Variants in HTR2C observed in about 807,000 individuals in gnomAD.
The protein encoded by HTR2C is 5-hydroxytryptamine receptor 2C.
In HTR2C, 5 loss-of-function variants were observed where a neutral mutation model predicts 21.0. That is an observed-to-expected ratio of 0.24 (90% CI 0.12 to 0.50). The LOEUF (loss-of-function observed/expected upper bound fraction) is 0.50, where lower values mean the gene tolerates loss of function less well. Ranked by LOEUF, HTR2C falls within the 20% of genes least tolerant of loss-of-function variation. The probability of loss-of-function intolerance (pLI) is 0.98; values close to 1 mark genes in which losing one functional copy is unlikely to be tolerated. For missense variants in HTR2C, 271 were observed against 371.2 expected (o/e 0.73, Z 2.22); for synonymous variants, 150 against 145.3 (o/e 1.03, Z -0.23).
At chrX:114,836,888 C>T (rs1262847682) in intron 4 of HTR2C, among the ~76,000 whole-genome samples, 1 of 111,808 alleles carries the variant, frequency 8.9e-6, no homozygotes, top group Non-Finnish European at 1.9e-5. Context: ...TGTACACAAT[C>T]ATGTTTTCAT....
intron 2 of HTR2C, among the ~76,000 whole-genome samples, chrX:114,726,417 G>T (rs1245807969): frequency 1.8e-5 from 2 of 112,236 alleles, no homozygotes; most frequent in African/African-American, 3.2e-5. Flanking sequence ...CCACTGTCTG[G>T]CACTCCCTAG....
intron 4 of HTR2C, among the ~76,000 whole-genome samples, chrX:114,750,038 A>G (rs1206276193): frequency 9.0e-6 from 1 of 111,468 alleles, no homozygotes; most frequent in Non-Finnish European, 1.9e-5. Flanking sequence ...CTCAGATCAC[A>G]CCCATTTTCC....
chrX:114,810,171 C>A (rs188750503), intron 4 of HTR2C, among the ~76,000 whole-genome samples: 7 of 111,599 alleles, frequency 6.3e-5, no homozygotes, highest in Middle Eastern at 4.7e-3. Flanking sequence ...GTCCTCAATC[C>A]TCTCCCCTTT....
intron 5 of HTR2C, among the ~76,000 whole-genome samples, chrX:114,852,168 G>T (rs2070923477): frequency 9.0e-6 from 1 of 110,702 alleles, no homozygotes; most frequent in Admixed American, 9.6e-5. Context: ...TCTTCAAAAT[G>T]CTAGGATTAG....
intron 1 of HTR2C, among the ~76,000 whole-genome samples, chrX:114,593,450 C>G (rs1556391684): frequency 9.0e-6 from 1 of 110,981 alleles, no homozygotes. Context: ...TAGAGGCAGG[C>G]CTGGTGTTAA....
chrX:114,658,870 A>G lies in HTR2C; in HGVS notation c.-80+44989A>G, dbSNP rs782581008. On this transcript the variant is annotated intron_variant, in intron 2 of 5. Coordinates refer to ENST00000276198, the MANE Select transcript of HTR2C (RefSeq NM_000868.4). The stretch of plus-strand genomic sequence containing the variant: ...GGGGGGCAAAAGTTTTAGGATAAAC[A>G]GGGTATTAACATAGTTTCAAAATAT... Among the ~76,000 whole-genome samples the G allele has an allele frequency of 6.4e-4, 72 of 111,806 alleles. 1 individual carries two copies. Among genetic ancestry groups the G allele is most frequent in the African/African-American group, 2.2e-3 (69 of 30,799 alleles).
intron 4 of HTR2C, among the ~76,000 whole-genome samples, chrX:114,810,522 C>T (rs1300318046): frequency 9.2e-6 from 1 of 109,217 alleles, no homozygotes; most frequent in East Asian, 2.9e-4. Flanking sequence ...GATTTCTGCC[C>T]CATGTTGCTT....
intron 5 of HTR2C, among the ~76,000 whole-genome samples, chrX:114,859,105 G>A (rs1357999771): frequency 9.1e-6 from 1 of 109,290 alleles, no homozygotes; most frequent in Non-Finnish European, 1.9e-5. Flanking sequence ...GAGAGATTTT[G>A]CCTTGTCATT....
At chrX:114,636,622 T>C (rs942067853) in intron 2 of HTR2C, among the ~76,000 whole-genome samples, 1 of 112,056 alleles carries the variant, frequency 8.9e-6, no homozygotes, top group Middle Eastern at 4.2e-3. Flanking sequence ...CTCATTCTTT[T>C]ATCTTTGTCA....
intron 3 of HTR2C, among the ~76,000 whole-genome samples, chrX:114,730,254 C>T (rs897771643): frequency 8.9e-5 from 10 of 111,864 alleles, no homozygotes; most frequent in African/African-American, 3.2e-4. Context: ...CAAATGACAA[C>T]CACATCCATC....
intron 2 of HTR2C, among the ~76,000 whole-genome samples, chrX:114,693,005 A>G (rs1330085262): frequency 8.9e-6 from 1 of 111,809 alleles, no homozygotes; most frequent in Non-Finnish European, 1.9e-5. Flanking sequence ...GAGTTCAGAG[A>G]TAGGAGAGAT....
intron 4 of HTR2C, among the ~76,000 whole-genome samples, chrX:114,831,467 C>T (rs1454667984): frequency 2.1e-5 from 2 of 96,418 alleles, no homozygotes; most frequent in African/African-American, 7.4e-5. Context: ...AGCATTTTTT[C>T]ATGTGTTTTT....
chrX:114,597,024 C>A (rs1028048968), intron 1 of HTR2C, among the ~76,000 whole-genome samples: 2 of 109,958 alleles, frequency 1.8e-5, no homozygotes, highest in African/African-American at 6.6e-5. Context: ...TCGAGACCAG[C>A]CTGGCCTACA....
At chrX:114,896,407 A>G (rs2071297464) in intron 5 of HTR2C, among the ~76,000 whole-genome samples, 1 of 112,111 alleles carries the variant, frequency 8.9e-6, no homozygotes, top group Non-Finnish European at 1.9e-5. Context: ...TTTATATATC[A>G]TTACTTTCTT....
chrX:114,773,083 A>C (rs191411543), intron 4 of HTR2C, among the ~76,000 whole-genome samples: 78 of 112,010 alleles, frequency 7.0e-4, no homozygotes, highest in Admixed American at 2.6e-3. Flanking sequence ...GACCTTTCTT[A>C]AGCAGGTATA....
chrX:114,825,580 G>A (rs1408834917), intron 4 of HTR2C, among the ~76,000 whole-genome samples: 1 of 111,363 alleles, frequency 9.0e-6, no homozygotes, highest in African/African-American at 3.3e-5. Context: ...AAAAGAATGT[G>A]TACTTTCCTG....
intron 4 of HTR2C, among the ~76,000 whole-genome samples, chrX:114,829,316 A>G (rs2070701837): frequency 9.0e-6 from 1 of 111,289 alleles, no homozygotes; most frequent in South Asian, 3.7e-4. Context: ...ATGACTAATG[A>G]TGCTGAGCAT....
rs150510037 is a variant in HTR2C at position 114,861,783 on chromosome X, C to T, written c.550+13580C>T. Among the ~76,000 whole-genome samples the T allele has an allele frequency of 6.0e-4, 67 of 111,655 alleles. No homozygotes were observed. In the East Asian group the frequency reaches 0.017, roughly 29 times the overall value. Reference sequence around the variant, plus strand: ...CTGTTGGAGATTTTTATGTCTTCCACAGAGAAGTGTCTATTCTTGTCTTTT... The same window carrying T: ...CTGTTGGAGATTTTTATGTCTTCCATAGAGAAGTGTCTATTCTTGTCTTTT... On this transcript the variant is annotated intron_variant, in intron 5 of 5. Transcript: ENST00000276198.
chrX:114,751,632 T>G (rs2069761236), intron 4 of HTR2C, among the ~76,000 whole-genome samples: 1 of 111,825 alleles, frequency 8.9e-6, no homozygotes, highest in South Asian at 3.7e-4. Context: ...GTGCCTCAAC[T>G]GTTCATTTGG....
Sources: gnomAD v4.1 joint callset for allele counts (sites outside exome capture counted in the v4.1 genomes callset) on GRCh38, gnomAD v4.1.1 for gene constraint, MANE v1.5 for transcripts, NCBI Gene and HGNC (gene_info 2026-07-23, HGNC 2026-07-21) for gene names.